Variants in EPHB1 observed in about 807,000 individuals in gnomAD.
EPHB1 encodes the protein EPH receptor B1.
A neutral mutation model predicts 94.4 loss-of-function variants in EPHB1; 30 were observed. The ratio of observed to expected loss-of-function variants is 0.32; its 90% CI spans 0.24 to 0.43. EPHB1 has a LOEUF of 0.43. Among genes scored for constraint, EPHB1 ranks in the 20% least tolerant of loss-of-function variants. The pLI is 1.00. For synonymous variants in EPHB1, 522 were observed against 489.1 expected (o/e 1.07, Z -0.89); for missense variants, 1,055 against 1,308.3 (o/e 0.81, Z 2.99).
intron 1 of EPHB1, among the ~76,000 whole-genome samples, chr3:134,857,768 T>G (rs2037155003): frequency 6.6e-6 from 1 of 152,176 alleles, no homozygotes; most frequent in Non-Finnish European, 1.5e-5. Context: ...AATCTTTAAA[T>G]TTTATCCTTT....
At chr3:135,118,913 T>G (rs1331608255) in intron 4 of EPHB1, among the ~76,000 whole-genome samples, 1 of 152,140 alleles carries the variant, frequency 6.6e-6, no homozygotes, top group African/African-American at 2.4e-5. Flanking sequence ...CACCTAGAAA[T>G]AGAATTGCTG....
At chr3:135,232,993 G>T (rs1276290653) in intron 12 of EPHB1, among the ~76,000 whole-genome samples, 1 of 152,168 alleles carries the variant, frequency 6.6e-6, no homozygotes, top group Non-Finnish European at 1.5e-5. Context: ...AACACACAGG[G>T]ATCATGGGAA....
intron 1 of EPHB1, among the ~76,000 whole-genome samples, chr3:134,913,830 C>A (rs1326205853): frequency 6.6e-6 from 1 of 152,218 alleles, no homozygotes; most frequent in African/African-American, 2.4e-5. Flanking sequence ...TTCAAAAACG[C>A]CCAGTGCAGT....
At chr3:135,093,589 G>A (rs1016258837) in intron 3 of EPHB1, among the ~76,000 whole-genome samples, 1 of 151,996 alleles carries the variant, frequency 6.6e-6, no homozygotes, top group Non-Finnish European at 1.5e-5. Context: ...AGGCCTGGTG[G>A]CACGTGCCTG....
At chr3:134,938,990 T>A (rs2039063872) in intron 2 of EPHB1, among the ~76,000 whole-genome samples, 1 of 152,150 alleles carries the variant, frequency 6.6e-6, no homozygotes, top group Non-Finnish European at 1.5e-5. Context: ...CCCCCACCCC[T>A]TTTTTGATCA....
intron 7 of EPHB1, among the ~76,000 whole-genome samples, chr3:135,164,715 A>G (rs2107699195): frequency 6.6e-6 from 1 of 151,212 alleles, no homozygotes; most frequent in African/African-American, 2.4e-5. Flanking sequence ...AGGCTGAGAC[A>G]TTAGAATTGC....
intron 1 of EPHB1, among the ~76,000 whole-genome samples, chr3:134,795,927 C>T (rs1024335499): frequency 6.6e-6 from 1 of 152,216 alleles, no homozygotes; most frequent in African/African-American, 2.4e-5. Flanking sequence ...CCGGCTTCCT[C>T]GCCCCGGCAC....
intron 1 of EPHB1, among the ~76,000 whole-genome samples, chr3:134,897,434 G>A (rs2038109181): frequency 6.6e-6 from 1 of 152,214 alleles, no homozygotes; most frequent in African/African-American, 2.4e-5. Flanking sequence ...CAGCAAAGCA[G>A]GGGTTGGTTA....
At chr3:134,975,653 G>T (rs918131821) in intron 3 of EPHB1, among the ~76,000 whole-genome samples, 2 of 152,080 alleles carry the variant, frequency 1.3e-5, no homozygotes, top group Non-Finnish European at 2.9e-5. Context: ...CAGGAGGCAG[G>T]TCACATTATT....
intron 3 of EPHB1, among the ~76,000 whole-genome samples, chr3:134,952,515 T>C (rs929980172): frequency 6.6e-6 from 1 of 151,922 alleles, no homozygotes; most frequent in Non-Finnish European, 1.5e-5. Context: ...ATTTGGAAAA[T>C]ATTTTAGTTC....
At chr3:135,164,420 G>T (rs1455688201) in intron 7 of EPHB1, among the ~76,000 whole-genome samples, 1 of 152,202 alleles carries the variant, frequency 6.6e-6, no homozygotes, top group Admixed American at 6.5e-5. Context: ...TCACCCAGAG[G>T]ATCTGATTCA....
intron 1 of EPHB1, among the ~76,000 whole-genome samples, chr3:134,918,585 TG>T (rs1422592580): frequency 6.6e-6 from 1 of 152,226 alleles, no homozygotes; most frequent in East Asian, 1.9e-4. Flanking sequence ...TCCTAGTTTT[TG>T]TAGGTAGTTG....
chr3:135,111,753 C>G (rs945513659), intron 4 of EPHB1, among the ~76,000 whole-genome samples: 3 of 152,192 alleles, frequency 2.0e-5, no homozygotes, highest in Non-Finnish European at 4.4e-5. Flanking sequence ...GATCTCAGCT[C>G]GCTGCAACCT....
intron 3 of EPHB1, among the ~76,000 whole-genome samples, chr3:135,026,461 T>G (rs1936175641): frequency 6.7e-6 from 1 of 149,958 alleles, no homozygotes; most frequent in East Asian, 2.0e-4. Flanking sequence ...CACCATTTAT[T>G]AAATAGGGAA....
intron 12 of EPHB1, among the ~76,000 whole-genome samples, chr3:135,233,197 C>T (rs1943572015): frequency 6.6e-6 from 1 of 152,240 alleles, no homozygotes; most frequent in Non-Finnish European, 1.5e-5. Context: ...AGGCAGGTCT[C>T]TTCCACCTAT....
intron 12 of EPHB1, among the ~76,000 whole-genome samples, chr3:135,221,046 C>A (rs959791863): frequency 1.3e-5 from 2 of 152,176 alleles, no homozygotes; most frequent in African/African-American, 4.8e-5. Flanking sequence ...CTATTGAAGA[C>A]AACAGAAAAC....
At chr3:135,064,509 A>G (rs1167869594) in intron 3 of EPHB1, among the ~76,000 whole-genome samples, 1 of 152,064 alleles carries the variant, frequency 6.6e-6, no homozygotes, top group Non-Finnish European at 1.5e-5. Context: ...GTAGCCTCAA[A>G]TGATCTTTTG....
chr3:135,072,600 GGGGCCTTTGCACATGTCACTGCCTCA>G (rs1350588470), intron 3 of EPHB1, among the ~76,000 whole-genome samples: 2 of 152,046 alleles, frequency 1.3e-5, no homozygotes, highest in Admixed American at 6.6e-5. Flanking sequence ...CTCCTGCCTG[GGGGCCTTTGCACATGTCACTGCCTCA>G]GGGCCTTTGC....
chr3:134,932,361 C>T (rs1242462867), intron 2 of EPHB1, among the ~76,000 whole-genome samples: 2 of 152,206 alleles, frequency 1.3e-5, no homozygotes, highest in Non-Finnish European at 2.9e-5. Flanking sequence ...CCCCCACCAG[C>T]TGCCCACCTC....
Sources: allele counts gnomAD v4.1 joint callset (sites outside exome capture counted in the v4.1 genomes callset), GRCh38; gene constraint gnomAD v4.1.1; transcripts MANE v1.5; gene names NCBI Gene and HGNC (gene_info 2026-07-23, HGNC 2026-07-21).